NUP188: variants seen among roughly 807,000 people sequenced by gnomAD.
NUP188 encodes the protein nucleoporin 188, also known as nucleoporin NUP188.
Under a neutral mutation model 223.0 loss-of-function variants are expected in NUP188, and 97 were observed. The ratio of observed to expected loss-of-function variants is 0.43; its 90% CI spans 0.37 to 0.51. The LOEUF is 0.51. Ranked by LOEUF, NUP188 falls within the 20% of genes least tolerant of loss-of-function variation. NUP188 has a pLI of 0.00. For synonymous variants in NUP188, 869 were observed against 828.0 expected (o/e 1.05, Z -0.85); for missense variants, 1,947 against 2,175.6 (o/e 0.89, Z 2.09).
chr9:129,002,476 T>C (rs1682849671), intron 36 of NUP188, among the ~76,000 whole-genome samples: 1 of 152,080 alleles, frequency 6.6e-6, no homozygotes, highest in African/African-American at 2.4e-5. Flanking sequence ...CACCTGAACC[T>C]CTCTCTCTCA....
rs778018041 is a variant in NUP188 at position 129,006,239 on chromosome 9, G to A, written c.4944G>A (p.Lys1648=). The change falls in exon 43 of 44, where the codon AAG becomes AAA. Residue 1648 remains lysine (K), a splice_region_variant and synonymous_variant. Transcript: ENST00000372577. ...STQAEGTRTL[K]SLLMFTMENC... ...ACCAAAAACCTGTGTCTCCTCCCAG[G>A]TCCCTCCTGATGTTTACCATGGAAA... 7 of 1,614,126 alleles carry A rather than the reference G, an allele frequency of 4.3e-6. No homozygotes were observed. In the South Asian group the frequency reaches 7.7e-5, roughly 18 times the overall value.
intron 27 of NUP188, 24 bp downstream of exon 27, chr9:128,993,718 T>A (rs1338559872): frequency 6.2e-7 from 1 of 1,608,776 alleles, no homozygotes; most frequent in African/African-American, 1.3e-5. Context: ...TGGGAGTAGT[T>A]TCATTGTTCT....
chr9:128,968,088 C>A (rs17481261), intron 8 of NUP188, among the ~76,000 whole-genome samples: 1 of 152,064 alleles, frequency 6.6e-6, no homozygotes, highest in Non-Finnish European at 1.5e-5. Flanking sequence ...AAGACCTGTT[C>A]TCTTCCAAAA....
In NUP188 at chr9:129,005,345, G is replaced by A; in HGVS notation, c.4552G>A (p.Val1518Ile). 1 of 1,614,052 alleles carries A rather than the reference G, an allele frequency of 6.2e-7. No homozygotes were observed. Reference protein sequence around the residue: ...DGLPSAVAQRVQRPPSAASAA... With the variant: ...DGLPSAVAQRIQRPPSAASAA... Reference sequence around the variant, plus strand: ...CCTCCCCTCAGCTGTTGCCCAGCGAGTCCAGAGGCCACCGTCTGCTGCTTC... The same window carrying A: ...CCTCCCCTCAGCTGTTGCCCAGCGAATCCAGAGGCCACCGTCTGCTGCTTC... The change falls in exon 40 of 44, where the codon GTC becomes ATC. Residue 1518 changes from valine (V) to isoleucine (I), a missense_variant. Around this residue, in one of 3 missense-constraint regions of NUP188, gnomAD observed 905 missense variants for 990.6 expected, o/e 0.91. Coordinates refer to ENST00000372577, the MANE Select transcript of NUP188 (RefSeq NM_015354.3).
intron 8 of NUP188, among the ~76,000 whole-genome samples, chr9:128,967,114 T>C (rs1308549324): frequency 6.6e-6 from 1 of 152,118 alleles, no homozygotes; most frequent in Non-Finnish European, 1.5e-5. Context: ...CTCAAGTGAC[T>C]CTCCTGCCTT....
At chr9:128,998,516 C>G in intron 31 of NUP188, 22 bp from the exon 32 acceptor site, 1 of 1,605,272 alleles carries the variant, frequency 6.2e-7, no homozygotes, top group Non-Finnish European at 8.5e-7. Context: ...TGACTTCTGA[C>G]TGGTGTGCTG....
rs137907377 is a variant in NUP188, at chr9:128,984,934, C to T, written c.1996C>T (p.Leu666Phe). Reference protein sequence around the residue: ...EGMNAGGYGNLLMNSEQPQGE... With the variant: ...EGMNAGGYGNFLMNSEQPQGE... Reference sequence around the variant, plus strand: ...GATGAATGCTGGAGGGTACGGAAACCTCTTGATGAACAGTGAACAGCCTCA... The same window carrying T: ...GATGAATGCTGGAGGGTACGGAAACTTCTTGATGAACAGTGAACAGCCTCA... The change falls in exon 20 of 44, where the codon CTC becomes TTC. Residue 666 changes from leucine (L) to phenylalanine (F), a missense_variant. By Grantham distance (22) the Leu-to-Phe change is conservative. Around this residue, in one of 3 missense-constraint regions of NUP188, gnomAD observed 817 missense variants for 865.8 expected, o/e 0.94. Coordinates refer to ENST00000372577, the MANE Select transcript of NUP188 (RefSeq NM_015354.3). The T allele has an allele frequency of 4.3e-5, 70 of 1,613,594 alleles. No homozygotes were observed. The African/African-American group carries it at 9.0e-4, about 21-fold the overall frequency.
intron 9 of NUP188, 41 bp from the exon 10 acceptor site, chr9:128,969,359 G>C: frequency 7.9e-7 from 1 of 1,269,930 alleles, no homozygotes; most frequent in Non-Finnish European, 1.1e-6. Flanking sequence ...GTGAGTTTCA[G>C]AACGGGATAT....
chr9:128,991,844 A>G (rs1842437757), intron 25 of NUP188, among the ~76,000 whole-genome samples: 2 of 151,824 alleles, frequency 1.3e-5, no homozygotes, highest in Admixed American at 1.3e-4. Flanking sequence ...AAAAAAAAAA[A>G]AAGTATTTGA....
chr9:128,957,027 G>A lies in NUP188; in HGVS notation c.322G>A (p.Val108Ile). The change falls in exon 5 of 44, where the codon GTA becomes ATA. Residue 108 changes from valine (V) to isoleucine (I), a missense_variant. Physicochemically the swap from Val to Ile is conservative, Grantham distance 29 (BLOSUM62 3). Coordinates refer to ENST00000372577, the MANE Select transcript of NUP188 (RefSeq NM_015354.3). ...QEDYRGTRDS[V>I]KTVLQDERQS... Reference sequence around the variant, plus strand: ...GGACTACAGGGGTACTCGGGACTCAGTAAAGGTTTGTGGTTTATGTCAGCT... The same window carrying A: ...GGACTACAGGGGTACTCGGGACTCAATAAAGGTTTGTGGTTTATGTCAGCT... The A allele has an allele frequency of 6.2e-7, 1 of 1,607,122 alleles. No homozygotes were observed. Among genetic ancestry groups the A allele is most frequent in the Non-Finnish European group, 8.5e-7 (1 of 1,175,286 alleles).
chr9:128,982,581 A>G lies in NUP188; in HGVS notation c.1549A>G (p.Thr517Ala). The G allele has an allele frequency of 1.9e-6, 3 of 1,614,126 alleles. No individual in the cohort carries two copies. The highest frequency in any genetic ancestry group is 2.5e-6 in the Non-Finnish European group (3 of 1,179,986). ...AACCAACCTTCGCATACCTCAAGGC[A>G]CTGTGGGCCAAGTAATGTTGGATGA... ...GQTNLRIPQGTVGQVMLDDRA... is the reference protein window; with the variant it reads ...GQTNLRIPQGAVGQVMLDDRA... Residue 517 changes from threonine (T) to alanine (A), a missense_variant, in exon 16 of 44, where the codon ACT becomes GCT. By Grantham distance (58) the Thr-to-Ala change is moderately conservative (BLOSUM62 0). Transcript: ENST00000372577.
intron 8 of NUP188, among the ~76,000 whole-genome samples, chr9:128,966,927 A>C (rs1842038064): frequency 6.6e-6 from 1 of 152,242 alleles, no homozygotes; most frequent in Non-Finnish European, 1.5e-5. Flanking sequence ...AGTGTTAAAA[A>C]TATTGAGTGT....
intron 8 of NUP188, among the ~76,000 whole-genome samples, chr9:128,966,518 A>G (rs1217350147): frequency 6.6e-6 from 1 of 151,888 alleles, no homozygotes; most frequent in Non-Finnish European, 1.5e-5. Flanking sequence ...CTAGGACTAC[A>G]AGATGCTGCA....
chr9:128,978,335 G>A (rs1000859548), intron 12 of NUP188, among the ~76,000 whole-genome samples: 11 of 151,972 alleles, frequency 7.2e-5, no homozygotes, highest in African/African-American at 2.2e-4. Flanking sequence ...AGGCTGAGGC[G>A]GGCGGATCAC....
chr9:128,984,816 A>T (rs1842309080), intron 19 of NUP188, 84 bp from the exon 20 acceptor site: 1 of 855,626 alleles, frequency 1.2e-6, no homozygotes, highest in Non-Finnish European at 1.9e-6. Context: ...AGTCATCTAG[A>T]CTATAACAAG....
intron 2 of NUP188, 95 bp downstream of exon 2, chr9:128,949,338 T>C: frequency 1.2e-6 from 1 of 832,396 alleles, no homozygotes; most frequent in African/African-American, 1.7e-5. Context: ...AGTAAACACA[T>C]TTATTTATTT....
intron 22 of NUP188, among the ~76,000 whole-genome samples, chr9:128,987,239 A>G (rs1340890462): frequency 2.6e-5 from 4 of 151,772 alleles, no homozygotes; most frequent in Non-Finnish European, 4.4e-5. Flanking sequence ...GCCAGTTACT[A>G]TGTATTCTTG....
At position 128,956,981 on chromosome 9, in the gene NUP188, A is replaced by T; in HGVS notation, c.276A>T (p.Leu92Phe). 1 of 1,613,118 alleles carries T rather than the reference A, an allele frequency of 6.2e-7. No homozygotes were observed. Among genetic ancestry groups the T allele is most frequent in the East Asian group, 2.2e-5 (1 of 44,828 alleles). ...TTGATGAAGAACAGAGTGTGCAGTT[A>T]CTCCAGTGTTACCTGCAAGAGGACT... ...LGLDEEQSVQ[L>F]LQCYLQEDYR... Residue 92 changes from leucine (L) to phenylalanine (F), a missense_variant, in exon 5 of 44, where the codon TTA (leucine) becomes TTT (phenylalanine). Around this residue, in one of 3 missense-constraint regions of NUP188, gnomAD observed 817 missense variants for 865.8 expected, o/e 0.94. Transcript: ENST00000372577.
In NUP188 at chr9:129,003,329, G is replaced by A. The variant is rs1564568663; in HGVS notation, c.4309G>A (p.Val1437Met). Residue 1437 changes from valine (V) to methionine (M), a missense_variant, in exon 38 of 44, where the codon GTG (valine) becomes ATG (methionine). This residue lies in a region of NUP188 where 905 missense variants were observed against 990.6 expected (regional missense o/e 0.91). Coordinates refer to ENST00000372577, the MANE Select transcript of NUP188 (RefSeq NM_015354.3). Reference protein sequence around the residue: ...QERTLQCLNAVRTVQSLACLE... With the variant: ...QERTLQCLNAMRTVQSLACLE... Reference sequence around the variant, plus strand: ...GCTTTCCTCCCAGTGCCTCAACGCAGTGAGGACAGTGCAGAGTCTGGCCTG... The same window carrying A: ...GCTTTCCTCCCAGTGCCTCAACGCAATGAGGACAGTGCAGAGTCTGGCCTG... 4.4e-6 allele frequency: 7 copies of A among 1,608,548 alleles called. No homozygotes were observed. The highest frequency in any genetic ancestry group is 5.9e-6 in the Non-Finnish European group (7 of 1,178,978).
Sources: gnomAD v4.1 joint callset for allele counts (sites outside exome capture counted in the v4.1 genomes callset) on GRCh38, gnomAD v4.1.1 for gene constraint, gnomAD v4.1.1 regional missense constraint, MANE v1.5 for transcripts, NCBI Gene and HGNC (gene_info 2026-07-23, HGNC 2026-07-21) for gene names.